Variants in MCTP1 observed in about 807,000 individuals in gnomAD.
MCTP1 encodes multiple C2 and transmembrane domain-containing protein 1.
Under a neutral mutation model 120.6 loss-of-function variants are expected in MCTP1, and 69 were observed. The ratio of observed to expected loss-of-function variants is 0.57; its 90% CI spans 0.47 to 0.70. The LOEUF is 0.70. Among genes scored for constraint, MCTP1 ranks in the 30% least tolerant of loss-of-function variants. The pLI is 0.00. For synonymous variants in MCTP1, 529 were observed against 493.1 expected (o/e 1.07, Z -0.96); for missense variants, 1,203 against 1,248.8 (o/e 0.96, Z 0.55).
intron 6 of MCTP1, among the ~76,000 whole-genome samples, chr5:94,928,153 A>T (rs1462488346): frequency 6.6e-5 from 10 of 151,988 alleles, no homozygotes; most frequent in African/African-American, 1.9e-4. Flanking sequence ...TTGAAAGCAC[A>T]TAAGTTTATT....
chr5:95,046,320 C>T (rs912499648), intron 1 of MCTP1, among the ~76,000 whole-genome samples: 3 of 152,122 alleles, frequency 2.0e-5, no homozygotes, highest in African/African-American at 7.2e-5. Context: ...AAGCTATGGT[C>T]AACTAAATGA....
At chr5:94,918,051 G>T in intron 7 of MCTP1, 78 bp from the exon 8 acceptor site, 2 of 1,052,000 alleles carry the variant, frequency 1.9e-6, no homozygotes, top group Non-Finnish European at 2.9e-6. Flanking sequence ...TCAGCAGTTT[G>T]AATTACTCTT....
intron 6 of MCTP1, 175 bp downstream of exon 6, chr5:94,931,778 C>A (rs908733533): frequency 1.6e-5 from 10 of 618,996 alleles, no homozygotes; most frequent in Admixed American, 2.8e-5. Context: ...AGCTATTGAT[C>A]GGTGTGATTT....
At chr5:94,737,228 G>A (rs7731360) in intron 19 of MCTP1, among the ~76,000 whole-genome samples, 113,697 of 151,322 alleles carry the variant, frequency 0.75, 43,016 homozygotes, top group East Asian at 0.97. Context: ...TATCTCAGAG[G>A]AGGAGGGAGG....
At chr5:94,842,619 A>G (rs1209847971) in intron 17 of MCTP1, among the ~76,000 whole-genome samples, 1 of 152,228 alleles carries the variant, frequency 6.6e-6, no homozygotes, top group Non-Finnish European at 1.5e-5. Context: ...GCAATATGAT[A>G]AAGATAGAGC....
chr5:95,029,388 T>C (rs1213429301), intron 1 of MCTP1, among the ~76,000 whole-genome samples: 1 of 152,098 alleles, frequency 6.6e-6, no homozygotes. Flanking sequence ...AAAAAAGTCC[T>C]TGTGAATTTT....
At chr5:95,079,575 C>T (rs1230611751) in intron 1 of MCTP1, among the ~76,000 whole-genome samples, 2 of 151,974 alleles carry the variant, frequency 1.3e-5, no homozygotes, top group African/African-American at 2.4e-5. Context: ...TTGTATAGTT[C>T]TTGGAATCAA....
chr5:95,039,244 C>A (rs1484487074), intron 1 of MCTP1, among the ~76,000 whole-genome samples: 1 of 152,106 alleles, frequency 6.6e-6, no homozygotes, highest in Non-Finnish European at 1.5e-5. Flanking sequence ...AGATTAGTAT[C>A]TAATTGAGAC....
intron 1 of MCTP1, among the ~76,000 whole-genome samples, chr5:95,125,014 A>G (rs189614268): frequency 2.0e-4 from 30 of 152,370 alleles, no homozygotes; most frequent in African/African-American, 6.7e-4. Context: ...AGAGATCAAA[A>G]ATAAAGTGTA....
At chr5:95,151,185 T>G (rs1271312370) in intron 1 of MCTP1, among the ~76,000 whole-genome samples, 2 of 149,224 alleles carry the variant, frequency 1.3e-5, no homozygotes. Context: ...GGTTTTGCCA[T>G]GTTGCCCAGG....
intron 1 of MCTP1, among the ~76,000 whole-genome samples, chr5:95,094,693 T>C (rs1488583459): frequency 6.6e-6 from 1 of 152,200 alleles, no homozygotes. Context: ...TAAACTTTAA[T>C]AATCTGATTT....
intron 1 of MCTP1, among the ~76,000 whole-genome samples, chr5:95,250,741 G>A (rs1757306233): frequency 6.6e-6 from 1 of 152,084 alleles, no homozygotes; most frequent in Admixed American, 6.5e-5. Flanking sequence ...GCACAAAAAT[G>A]CTTTCCTCTT....
chr5:95,025,769 G>A (rs1294631790), intron 1 of MCTP1, among the ~76,000 whole-genome samples: 3 of 152,092 alleles, frequency 2.0e-5, no homozygotes, highest in African/African-American at 7.2e-5. Context: ...CTGAGGGTAG[G>A]ACCCAGCCTG....
chr5:94,711,031 C>G (rs1756742512), intron 20 of MCTP1, 104 bp from the exon 21 acceptor site: 25 of 784,062 alleles, frequency 3.2e-5, no homozygotes, highest in Non-Finnish European at 5.2e-5. Context: ...CTGCATTTCT[C>G]TCTGGAATAG....
chr5:94,764,258 G>A (rs771223343), intron 19 of MCTP1, among the ~76,000 whole-genome samples: 31 of 152,120 alleles, frequency 2.0e-4, no homozygotes, highest in East Asian at 1.9e-4. Context: ...TGCCACAGAC[G>A]CCATCAAAGG....
chr5:95,087,523 G>C (rs1173705336), intron 1 of MCTP1, among the ~76,000 whole-genome samples: 1 of 152,122 alleles, frequency 6.6e-6, no homozygotes, highest in East Asian at 1.9e-4. Flanking sequence ...TAGATCTCTG[G>C]ATTTTTTCAA....
chr5:94,780,839 C>A (rs748754515), intron 18 of MCTP1, among the ~76,000 whole-genome samples: 1 of 152,124 alleles, frequency 6.6e-6, no homozygotes, highest in Admixed American at 6.6e-5. Flanking sequence ...GCTTATAATC[C>A]AGTAAAATTT....
At chr5:94,870,587 A>G (rs1581124043) in intron 15 of MCTP1, 96 bp from the exon 16 acceptor site, 2 of 939,730 alleles carry the variant, frequency 2.1e-6, no homozygotes, top group Non-Finnish European at 3.4e-6. Context: ...CTAAAGTTTC[A>G]AAGTCCTGGC....
At chr5:95,158,479 T>C (rs1488406965) in intron 1 of MCTP1, among the ~76,000 whole-genome samples, 2 of 152,222 alleles carry the variant, frequency 1.3e-5, no homozygotes, top group Non-Finnish European at 2.9e-5. Context: ...CAATAAATAG[T>C]AAATCTGGTA....
Sources: allele counts gnomAD v4.1 joint callset (sites outside exome capture counted in the v4.1 genomes callset), GRCh38; gene constraint gnomAD v4.1.1; transcripts MANE v1.5; gene names NCBI Gene and HGNC (gene_info 2026-07-23, HGNC 2026-07-21).